NRP2: variants seen among roughly 807,000 people sequenced by gnomAD.
NRP2 encodes the protein neuropilin-2.
Under a neutral mutation model 110.4 loss-of-function variants are expected in NRP2, and 52 were observed. The ratio of observed to expected loss-of-function variants is 0.47; its 90% CI spans 0.38 to 0.59. The LOEUF (loss-of-function observed/expected upper bound fraction) is 0.59, where lower values mean the gene tolerates loss of function less well. NRP2 is among the 20% of genes least tolerant of loss of function. NRP2 has a pLI of 0.00. For synonymous variants in NRP2, 508 were observed against 468.9 expected (o/e 1.08, Z -1.08); for missense variants, 1,049 against 1,203.0 (o/e 0.87, Z 1.89).
At chr2:205,750,260 A>T (rs1292424465) in intron 11 of NRP2, among the ~76,000 whole-genome samples, 7 of 152,336 alleles carry the variant, frequency 4.6e-5, no homozygotes, top group Admixed American at 2.6e-4. Context: ...TACGGCAGTC[A>T]TCTGGGTGAT....
intron 12 of NRP2, chr2:205,759,648 C>G (rs1223486113): frequency 6.6e-6 from 1 of 152,224 alleles, no homozygotes; most frequent in Non-Finnish European, 1.5e-5. Flanking sequence ...TAAGGGGAAC[C>G]AGTCTTTGTC....
chr2:205,753,929 A>T (rs1017294273), intron 12 of NRP2, among the ~76,000 whole-genome samples: 1 of 152,242 alleles, frequency 6.6e-6, no homozygotes, highest in African/African-American at 2.4e-5. Flanking sequence ...GTATTAAGAT[A>T]ACTAGCAAGT....
At chr2:205,749,876 G>A (rs754730862) in intron 11 of NRP2, 35 bp downstream of exon 11, 74 of 1,517,880 alleles carry the variant, frequency 4.9e-5, no homozygotes, top group Middle Eastern at 3.6e-4. Context: ...GCATGGGTGC[G>A]GACTAGTCAG....
chr2:205,728,277 A>G (rs949123004), intron 7 of NRP2, among the ~76,000 whole-genome samples: 1 of 152,190 alleles, frequency 6.6e-6, no homozygotes, highest in African/African-American at 2.4e-5. Context: ...CGCAGCAGAG[A>G]GAGAGAGCTT....
At chr2:205,703,061 T>C (rs1459918396) in intron 2 of NRP2, among the ~76,000 whole-genome samples, 1 of 152,230 alleles carries the variant, frequency 6.6e-6, no homozygotes, top group Admixed American at 6.5e-5. Flanking sequence ...TAAACTCCCA[T>C]GGCGCCTAGT....
At chr2:205,787,065 G>A (rs537735370) in intron 15 of NRP2, among the ~76,000 whole-genome samples, 3 of 152,208 alleles carry the variant, frequency 2.0e-5, no homozygotes, top group African/African-American at 4.8e-5. Context: ...AAAGGCCCTC[G>A]TACCTTTCTC....
At chr2:205,756,216 G>C (rs1299888442) in intron 12 of NRP2, among the ~76,000 whole-genome samples, 2 of 151,980 alleles carry the variant, frequency 1.3e-5, no homozygotes, top group Non-Finnish European at 2.9e-5. Flanking sequence ...CAGCCTCTGG[G>C]GACCCTGTTC....
chr2:205,749,946 G>T, intron 11 of NRP2, 105 bp downstream of exon 11: 2 of 896,086 alleles, frequency 2.2e-6, no homozygotes, highest in Non-Finnish European at 3.7e-6. Flanking sequence ...AGAGATCCAG[G>T]GGATCTCAAA....
chr2:205,765,349 A>AACACAC (rs35659576), intron 13 of NRP2, 125 bp from the exon 14 acceptor site: 42 of 724,142 alleles, frequency 5.8e-5, no homozygotes, highest in Admixed American at 1.1e-4. Context: ...CAGGTGCAAT[A>AACACAC]ACACACACAC....
chr2:205,724,297 A>G (rs577484896), intron 5 of NRP2, among the ~76,000 whole-genome samples: 4 of 152,260 alleles, frequency 2.6e-5, no homozygotes, highest in Non-Finnish European at 5.9e-5. Context: ...ACATTTTTTT[A>G]GTCTGTGGCC....
At chr2:205,724,564 C>T (rs963809275) in intron 5 of NRP2, among the ~76,000 whole-genome samples, 1 of 152,030 alleles carries the variant, frequency 6.6e-6, no homozygotes, top group African/African-American at 2.4e-5. Flanking sequence ...ACCTGCAGTC[C>T]CTCAGCACTG....
At chr2:205,789,405 C>T (rs1044196089) in intron 15 of NRP2, among the ~76,000 whole-genome samples, 7 of 152,114 alleles carry the variant, frequency 4.6e-5, no homozygotes, top group African/African-American at 1.2e-4. Flanking sequence ...TTGGCCCATT[C>T]CACTCTCCCT....
intron 12 of NRP2, among the ~76,000 whole-genome samples, chr2:205,755,965 A>T (rs1303877306): frequency 6.6e-6 from 1 of 151,980 alleles, no homozygotes; most frequent in Non-Finnish European, 1.5e-5. Flanking sequence ...AACTGCTTAC[A>T]TTCCTCGGAT....
intron 1 of NRP2, 150 bp downstream of exon 1, chr2:205,683,513 A>G (rs1271162200): frequency 1.5e-6 from 1 of 683,654 alleles, no homozygotes; most frequent in Non-Finnish European, 2.7e-6. Flanking sequence ...CCCTTCCTAC[A>G]CCACCACGGC....
chr2:205,703,675 G>A (rs1289988567), intron 2 of NRP2, among the ~76,000 whole-genome samples: 2 of 152,214 alleles, frequency 1.3e-5, no homozygotes, highest in African/African-American at 2.4e-5. Flanking sequence ...TGGAGGAGGT[G>A]ACGCCTATAC....
chr2:205,795,064 T>G lies in NRP2; in HGVS notation c.*6T>G. 6.2e-7 allele frequency: 1 copy of G among 1,613,328 alleles called. No individual in the cohort carries two copies. The highest frequency in any genetic ancestry group is 1.7e-5 in the Admixed American group (1 of 59,964). ...AGTGCTGCTCCGAGGCATGACGGAT[T>G]GCACCTGAATCCTATCTGACGTTTC... On this transcript the variant is annotated 3_prime_UTR_variant, in exon 17 of 17. Transcript: ENST00000357785.
At chr2:205,716,497 G>A (rs1457665497) in intron 3 of NRP2, 123 bp downstream of exon 3, 2 of 822,356 alleles carry the variant, frequency 2.4e-6, no homozygotes, top group Admixed American at 2.2e-5. Context: ...CATGGTGAGA[G>A]GTTCAAGGTG....
chr2:205,757,709 A>C (rs1260191871), intron 12 of NRP2, among the ~76,000 whole-genome samples: 1 of 152,226 alleles, frequency 6.6e-6, no homozygotes, highest in Non-Finnish European at 1.5e-5. Context: ...ATCCAGAGAC[A>C]GAACTTCCTG....
Position 205,703,685 on chromosome 2 carries a change from C to T in NRP2, c.251+5964C>T, listed in dbSNP as rs530185619. Reference sequence around the variant, plus strand: ...CTCCCTGGAGGAGGTGACGCCTATACGAATTCTAAAGAATTTGGCCAGGCA... The same window carrying T: ...CTCCCTGGAGGAGGTGACGCCTATATGAATTCTAAAGAATTTGGCCAGGCA... On this transcript the variant is annotated intron_variant, in intron 2 of 16. Coordinates refer to ENST00000357785, the MANE Select transcript of NRP2 (RefSeq NM_003872.3). 7.9e-5 allele frequency among the ~76,000 whole-genome samples: 12 copies of T among 152,268 alleles called. No homozygotes were observed. The Middle Eastern group carries it at 0.014, about 173-fold the overall frequency.
Sources: allele counts gnomAD v4.1 joint callset (sites outside exome capture counted in the v4.1 genomes callset), GRCh38; gene constraint gnomAD v4.1.1; transcripts MANE v1.5; gene names NCBI Gene and HGNC (gene_info 2026-07-23, HGNC 2026-07-21).